The following GNAL variants were observed in gnomAD, a reference collection of about 807,000 sequenced individuals.
GNAL encodes G protein subunit alpha L.
A neutral mutation model predicts 55.1 loss-of-function variants in GNAL; 18 were observed. The ratio of observed to expected loss-of-function variants is 0.33; its 90% confidence interval spans 0.23 to 0.48. The LOEUF is 0.48. GNAL is among the 20% of genes least tolerant of loss of function. The pLI, the probability that GNAL is intolerant of heterozygous loss-of-function variation, is 0.99. For missense variants in GNAL, 412 were observed against 614.1 expected (o/e 0.67, Z 3.48); for synonymous variants, 253 against 237.0 (o/e 1.07, Z -0.62).
intron 7 of GNAL, 51 bp from the exon 8 acceptor site, chr18:11,867,117 C>T: frequency 1.5e-6 from 2 of 1,378,084 alleles, no homozygotes; most frequent in Non-Finnish European, 2.1e-6. Flanking sequence ...GCACGTTTGC[C>T]ATTGTCCCCT....
chr18:11,827,326 G>A (rs1471456353), intron 5 of GNAL, among the ~76,000 whole-genome samples: 3 of 152,210 alleles, frequency 2.0e-5, no homozygotes, highest in Non-Finnish European at 4.4e-5. Flanking sequence ...TATTTAAAAT[G>A]TCCTGGCCGG....
chr18:11,730,160 CTT>C (rs1240028582), intron 1 of GNAL, among the ~76,000 whole-genome samples: 30 of 138,674 alleles, frequency 2.2e-4, no homozygotes, highest in Admixed American at 2.9e-4. Context: ...CAGCCTCCCA[CTT>C]TTTTTTTTTT....
intron 1 of GNAL, among the ~76,000 whole-genome samples, chr18:11,717,347 C>T (rs889285466): frequency 6.6e-6 from 1 of 152,242 alleles, no homozygotes; most frequent in Admixed American, 6.5e-5. Context: ...CAGAAGGGGG[C>T]TCCCACAGTG....
chr18:11,705,498 T>C (rs2031686686), intron 1 of GNAL, among the ~76,000 whole-genome samples: 1 of 152,194 alleles, frequency 6.6e-6, no homozygotes. Context: ...GATTTTATGG[T>C]AATTCTATAT....
chr18:11,834,212 G>A (rs1052252263), intron 5 of GNAL, among the ~76,000 whole-genome samples: 3 of 152,100 alleles, frequency 2.0e-5, no homozygotes, highest in Admixed American at 6.6e-5. Context: ...GAACAAAATT[G>A]GAATTCAGTG....
rs565101059 is a variant in GNAL at position 11,807,301 on chromosome 18, A to G, written c.625-17617A>G. ...TAATGCGATTTGACTTATGGTTTCAACGATTCACTGGCTGCTGAGTGGAAT... is the reference window on the plus strand; with the variant it reads ...TAATGCGATTTGACTTATGGTTTCAGCGATTCACTGGCTGCTGAGTGGAAT... On this transcript the variant is annotated intron_variant, in intron 4 of 11. Transcript: ENST00000334049. Among the ~76,000 whole-genome samples, 16 of 152,362 alleles carry G rather than the reference A, an allele frequency of 1.1e-4. 2 individuals carry two copies. The highest frequency in any genetic ancestry group is 3.8e-4 in the African/African-American group (16 of 41,590).
At chr18:11,769,639 A>C (rs2143266757) in intron 4 of GNAL, among the ~76,000 whole-genome samples, 1 of 152,360 alleles carries the variant, frequency 6.6e-6, no homozygotes, top group African/African-American at 2.4e-5. Context: ...TGTTTAAAGA[A>C]ACGTTGGTAA....
In GNAL at chr18:11,752,425, C is replaced by T. The variant is rs1196154625; in HGVS notation, c.377-428C>T. The T allele has an allele frequency of 1.9e-6, 3 of 1,600,248 alleles. No individual in the cohort carries two copies. Among genetic ancestry groups the T allele is most frequent in the Non-Finnish European group, 2.6e-6 (3 of 1,174,618 alleles). On this transcript the variant is annotated intron_variant, in intron 1 of 11. Coordinates refer to ENST00000334049, the MANE Select transcript of GNAL (RefSeq NM_182978.4). The surrounding 1 kb of genome is among the most constrained non-coding windows in gnomAD (Gnocchi z 4.5). ...CCTAACTTCCTGACGTCCATCCCAG[C>T]GGGCAGGCATGGGGTGTTTGGGCGG...
Position 11,881,445 on chromosome 18 carries a change from G to T in GNAL, c.*310G>T. ...TTTATTGATTCATCGAGGAGAACTT[G>T]GTAGATGGGGAGAAAACACAGTTGG... On this transcript the variant is annotated 3_prime_UTR_variant, in exon 12 of 12. Transcript: ENST00000334049. This position sits in a 1 kb window ranked among gnomAD's most constrained non-coding sequence, Gnocchi z 4.8. The T allele has an allele frequency of 3.9e-6, 1 of 257,210 alleles. No homozygotes were observed. Among genetic ancestry groups the T allele is most frequent in the Non-Finnish European group, 7.5e-6 (1 of 132,568 alleles). The allele number at this position is 257,210 out of a possible 1,614,324, so 15.9% of individuals were successfully genotyped here. A position where few individuals can be genotyped will look rare whatever the true frequency, so the allele number is the denominator to read the frequency against.
intron 5 of GNAL, among the ~76,000 whole-genome samples, chr18:11,855,708 C>T (rs1428138544): frequency 1.2e-4 from 19 of 152,122 alleles, no homozygotes; most frequent in African/African-American, 2.4e-5. Context: ...TGCAGTGGCT[C>T]ACGCCTGTAA....
At chr18:11,738,880 G>T (rs772760281) in intron 1 of GNAL, among the ~76,000 whole-genome samples, 12 of 152,172 alleles carry the variant, frequency 7.9e-5, no homozygotes, top group Non-Finnish European at 1.8e-4. Context: ...AGGTTGCCAG[G>T]CAGGACGGCA....
At chr18:11,879,117 A>T (rs1440685061) in intron 11 of GNAL, among the ~76,000 whole-genome samples, 1 of 150,052 alleles carries the variant, frequency 6.7e-6, no homozygotes, top group Non-Finnish European at 1.5e-5. Flanking sequence ...AAATATATAT[A>T]TATTAAAAAT....
rs201556366 is a variant in GNAL, at chr18:11,881,118, C to A, written c.1360C>A (p.Gln454Lys). The change falls in exon 12 of 12, where the codon CAG (glutamine) becomes AAG (lysine). Residue 454 changes from glutamine to lysine, a missense_variant. This residue lies in a region of GNAL where 79 missense variants were observed against 127.1 expected (regional missense o/e 0.62). Coordinates refer to ENST00000334049, the MANE Select transcript of GNAL (RefSeq NM_182978.4). The surrounding 1 kb of genome is among the most constrained non-coding windows in gnomAD (Gnocchi z 4.8). ...RDIIQRMHLK[Q>K]YELL is the part of the protein sequence containing the mutation. ...CATCATCCAGCGGATGCACCTCAAG[C>A]AGTATGAGCTCTTGTGAGGATGCTG... The A allele has an allele frequency of 1.9e-6, 3 of 1,610,734 alleles. No individual in the cohort carries two copies. The highest frequency in any genetic ancestry group is 2.5e-6 in the Non-Finnish European group (3 of 1,178,414).
At chr18:11,762,644 G>T (rs554753002) in intron 4 of GNAL, among the ~76,000 whole-genome samples, 3 of 152,192 alleles carry the variant, frequency 2.0e-5, no homozygotes, top group African/African-American at 7.2e-5. Context: ...GCCCAGTCAG[G>T]CCACGGCGGG....
At chr18:11,841,661 A>G (rs2035617655) in intron 5 of GNAL, among the ~76,000 whole-genome samples, 1 of 149,826 alleles carries the variant, frequency 6.7e-6, no homozygotes, top group African/African-American at 2.4e-5. Context: ...AAAAAAAAAA[A>G]AGAAAGAAAG....
At chr18:11,817,712 T>C (rs60607597) in intron 4 of GNAL, among the ~76,000 whole-genome samples, 7,788 of 150,288 alleles carry the variant, frequency 0.052, 346 homozygotes, top group African/African-American at 0.1. Context: ...TCTCAGCCTC[T>C]TGAGTAGCTG....
In GNAL at chr18:11,752,954, G is replaced by GAA; in HGVS notation, c.449+29_449+30insAA. The GAA allele has an allele frequency of 7.4e-7, 1 of 1,353,768 alleles. No individual in the cohort carries two copies. Among genetic ancestry groups the GAA allele is most frequent in the South Asian group, 1.2e-5 (1 of 84,788 alleles). The allele number at this position is 1,353,768 out of a possible 1,614,324, so 83.9% of individuals were successfully genotyped here. On this transcript the variant is annotated intron_variant, in intron 2 of 11. Transcript: ENST00000334049. The surrounding 1 kb of genome is among the most constrained non-coding windows in gnomAD (Gnocchi z 4.5). ...AGAATGTTCAGTTTGCTTCCAAACT[G>GAA]CATGCAAACTTCGTCTCTCTCCCAG...
chr18:11,689,852 G>C lies in GNAL; in HGVS notation c.289G>C (p.Glu97Gln). Reference protein sequence around the residue: ...EAAKEREAVKEARKVSRGIDR... With the variant: ...EAAKEREAVKQARKVSRGIDR... Reference sequence around the variant, plus strand: ...GGCCAAGGAGCGCGAGGCGGTCAAGGAGGCGAGGAAAGTGAGCCGGGGCAT... The same window carrying C: ...GGCCAAGGAGCGCGAGGCGGTCAAGCAGGCGAGGAAAGTGAGCCGGGGCAT... The change falls in exon 1 of 12, where the codon GAG (glutamate) becomes CAG (glutamine). Residue 97 changes from glutamate (E) to glutamine (Q), a missense_variant. Glu to Gln is a conservative substitution (Grantham distance 29). This residue lies in a region of GNAL where 228 missense variants were observed against 194.8 expected (regional missense o/e 1.17). Coordinates refer to ENST00000334049, the MANE Select transcript of GNAL (RefSeq NM_182978.4). 1 of 1,529,752 alleles carries C rather than the reference G, an allele frequency of 6.5e-7. No individual in the cohort carries two copies. The highest frequency in any genetic ancestry group is 8.8e-7 in the Non-Finnish European group (1 of 1,141,688). 94.8% of individuals were successfully genotyped at this position (1,529,752 alleles called of 1,614,324 possible). A position where few individuals can be genotyped will look rare whatever the true frequency, so the allele number is the denominator to read the frequency against.
At chr18:11,696,065 G>T (rs8099016) in intron 1 of GNAL, among the ~76,000 whole-genome samples, 53,883 of 152,028 alleles carry the variant, frequency 0.35, 13,191 homozygotes, top group African/African-American at 0.7. Context: ...CAATAGTTTT[G>T]GAGTTGTGCA....
Sources: gnomAD v4.1 joint callset for allele counts (sites outside exome capture counted in the v4.1 genomes callset) on GRCh38, gnomAD v4.1.1 for gene constraint, gnomAD v4.1.1 regional missense constraint, Gnocchi (gnomAD v3.1) non-coding constraint, MANE v1.5 for transcripts, NCBI Gene and HGNC (gene_info 2026-07-23, HGNC 2026-07-21) for gene names.